Variants in MTFR1 observed in about 807,000 individuals in gnomAD.
MTFR1 encodes chondrocyte protein with a poly-proline region.
MTFR1 carries 28 observed loss-of-function variants against 38.8 expected under a neutral mutation model. The observed-to-expected ratio is 0.72, with a 90% confidence interval of 0.53 to 0.99. The LOEUF is 0.99. Among genes scored for constraint, MTFR1 ranks in the 50% least tolerant of loss-of-function variants. The pLI is 0.00. For missense variants in MTFR1, 358 were observed against 395.5 expected (o/e 0.91, Z 0.81); for synonymous variants, 145 against 137.0 (o/e 1.06, Z -0.41).
chr8:65,755,507 C>G (rs927033253), intron 3 of MTFR1, among the ~76,000 whole-genome samples: 11 of 152,138 alleles, frequency 7.2e-5, no homozygotes, highest in African/African-American at 2.7e-4. Flanking sequence ...CAATAGTATA[C>G]AAACACTGCT....
At chr8:65,661,980 C>A (rs67692803) in intron 1 of MTFR1, among the ~76,000 whole-genome samples, 28,571 of 149,948 alleles carry the variant, frequency 0.19, 2,915 homozygotes, top group Middle Eastern at 0.23. Context: ...AACAAACAAA[C>A]AAAAAGAGCA....
At chr8:65,695,720 A>G (rs907454965) in intron 4 of MTFR1, among the ~76,000 whole-genome samples, 1 of 152,150 alleles carries the variant, frequency 6.6e-6, no homozygotes, top group Admixed American at 6.5e-5. Context: ...AGGGTAGTCT[A>G]GTCTGGAATA....
At chr8:65,668,506 T>C (rs1275645899) in intron 1 of MTFR1, among the ~76,000 whole-genome samples, 2 of 146,880 alleles carry the variant, frequency 1.4e-5, no homozygotes, top group Non-Finnish European at 3.0e-5. Context: ...AGATTTTCTT[T>C]TTTTTGTTTT....
chr8:65,762,083 G>T (rs1332841135), intron 3 of MTFR1, among the ~76,000 whole-genome samples: 1 of 152,160 alleles, frequency 6.6e-6, no homozygotes, highest in African/African-American at 2.4e-5. Context: ...TACTAATCAT[G>T]AATTACCCTT....
chr8:65,745,653 C>T (rs866796857), intron 3 of MTFR1, among the ~76,000 whole-genome samples: 7 of 152,146 alleles, frequency 4.6e-5, no homozygotes, highest in Admixed American at 1.3e-4. Flanking sequence ...AAGGGATAAA[C>T]TCCATTTGAA....
chr8:65,681,093 T>C (rs1804872561), intron 2 of MTFR1, among the ~76,000 whole-genome samples: 1 of 151,796 alleles, frequency 6.6e-6, no homozygotes, highest in South Asian at 2.1e-4. Flanking sequence ...TTTGTATTTT[T>C]AGTAGAGACG....
At chr8:65,771,585 C>T (rs1391788137), downstream of MTFR1, among the ~76,000 whole-genome samples, 3 of 152,104 alleles carry the variant, frequency 2.0e-5, no homozygotes, top group South Asian at 2.1e-4. Flanking sequence ...CCTGGCTGGG[C>T]GCACGCAGTG....
chr8:65,762,991 A>ATGTGTGTGTGTGTGTG (rs34371328), intron 3 of MTFR1, among the ~76,000 whole-genome samples: 1 of 138,514 alleles, frequency 7.2e-6, no homozygotes, highest in East Asian at 2.1e-4. Context: ...TATAAAAACA[A>ATGTGTGTGTGTGTGTG]TGTGTGTGTG....
intron 3 of MTFR1, among the ~76,000 whole-genome samples, chr8:65,725,921 C>T (rs1472232195): frequency 6.6e-6 from 1 of 152,046 alleles, no homozygotes; most frequent in Non-Finnish European, 1.5e-5. Context: ...ATTTGTACTA[C>T]AGCAAAAAAT....
chr8:65,686,463 T>G lies in MTFR1; in HGVS notation c.165+4012T>G, dbSNP rs137989696. On this transcript the variant is annotated intron_variant, in intron 3 of 7. Transcript: ENST00000262146. Reference sequence around the variant, plus strand: ...AGCAAGTGCCTGTAATCCCAGCTACTCAGGAAGCTGAGGCAGGAGAATCAG... The same window carrying G: ...AGCAAGTGCCTGTAATCCCAGCTACGCAGGAAGCTGAGGCAGGAGAATCAG... Among the ~76,000 whole-genome samples the G allele has an allele frequency of 1.0e-2, 1,505 of 150,764 alleles. 21 individuals are homozygous for G. Among genetic ancestry groups the G allele is most frequent in the African/African-American group, 0.033 (1,361 of 40,952 alleles).
At chr8:65,734,082 C>T (rs936765360) in intron 3 of MTFR1, among the ~76,000 whole-genome samples, 4 of 152,082 alleles carry the variant, frequency 2.6e-5, no homozygotes, top group African/African-American at 7.2e-5. Context: ...TATACTAGAC[C>T]TCTATATTAG....
At chr8:65,757,546 G>A (rs548007065) in intron 3 of MTFR1, among the ~76,000 whole-genome samples, 8 of 152,182 alleles carry the variant, frequency 5.3e-5, no homozygotes, top group African/African-American at 9.6e-5. Flanking sequence ...TATTCTTTCC[G>A]GCATCTGGAA....
At chr8:65,744,465 G>C (rs1807582172) in intron 3 of MTFR1, among the ~76,000 whole-genome samples, 1 of 152,086 alleles carries the variant, frequency 6.6e-6, no homozygotes, top group Non-Finnish European at 1.5e-5. Context: ...ACATGTTTCT[G>C]TCCGCAAAGA....
chr8:65,755,682 A>C (rs181192281), intron 3 of MTFR1, among the ~76,000 whole-genome samples: 1 of 152,366 alleles, frequency 6.6e-6, no homozygotes, highest in East Asian at 1.9e-4. Context: ...ACTGGTTTAT[A>C]TATTTACTTG....
rs554778740 is a variant in MTFR1 at position 65,763,889 on chromosome 8, G to A, written c.*49-7058G>A. ...CTGTATTAAGATTAAGGTCCAATACGTATCGGTCAATTTCCTAATTTATGC... is the reference window on the plus strand; with the variant it reads ...CTGTATTAAGATTAAGGTCCAATACATATCGGTCAATTTCCTAATTTATGC... On this transcript the variant is annotated intron_variant, in intron 3 of 3. Transcript: ENST00000521247. 3.9e-5 allele frequency among the ~76,000 whole-genome samples: 6 copies of A among 152,274 alleles called. No individual in the cohort carries two copies. In the East Asian group the frequency reaches 5.8e-4, roughly 15 times the overall value.
chr8:65,651,218 T>G (rs573083021), intron 1 of MTFR1, among the ~76,000 whole-genome samples: 2 of 152,362 alleles, frequency 1.3e-5, no homozygotes, highest in South Asian at 2.1e-4. Flanking sequence ...GTGAATAGTT[T>G]GCAAATTTTT....
At chr8:65,735,876 C>T (rs971602328) in intron 3 of MTFR1, among the ~76,000 whole-genome samples, 13 of 151,960 alleles carry the variant, frequency 8.6e-5, no homozygotes, top group African/African-American at 2.9e-4. Flanking sequence ...CCACCCACCT[C>T]GGCCTCCCAA....
rs376469230 is a variant in MTFR1 at position 65,761,224 on chromosome 8, C to T, written c.*49-9723C>T. On this transcript the variant is annotated intron_variant, in intron 3 of 3. Coordinates refer to the MTFR1 transcript ENST00000521247. ...GGGATTACAGGCACGCACCACCATG[C>T]CCAGCTAATGTTTGTATTTTTAGTA... 9.9e-5 allele frequency among the ~76,000 whole-genome samples: 15 copies of T among 152,230 alleles called. No homozygotes were observed. The East Asian group carries it at 1.2e-3, about 12-fold the overall frequency.
intron 1 of MTFR1, among the ~76,000 whole-genome samples, chr8:65,655,403 A>T (rs934890694): frequency 2.6e-5 from 4 of 152,088 alleles, no homozygotes; most frequent in Non-Finnish European, 5.9e-5. Flanking sequence ...AGGTCATGAG[A>T]TTTATTCCCT....
Sources: allele counts gnomAD v4.1 joint callset (sites outside exome capture counted in the v4.1 genomes callset), GRCh38; gene constraint gnomAD v4.1.1; transcripts MANE v1.5; gene names NCBI Gene and HGNC (gene_info 2026-07-23, HGNC 2026-07-21).